Variants in TMEM184A observed in about 807,000 individuals in gnomAD.
The protein encoded by TMEM184A is sexually dimorphic, expressed in male gonads 1.
A neutral mutation model predicts 39.5 loss-of-function variants in TMEM184A; 40 were observed. That is an observed-to-expected ratio of 1.01 (90% confidence interval 0.79 to 1.32). The LOEUF (loss-of-function observed/expected upper bound fraction) is 1.32, where lower values mean the gene tolerates loss of function less well. Ranked by LOEUF, TMEM184A falls within the 40% of genes most tolerant of loss-of-function variation. TMEM184A has a pLI of 0.00. For missense variants in TMEM184A, 603 were observed against 568.8 expected, an observed-to-expected ratio of 1.06 and a Z score of -0.61; for synonymous variants, 280 against 252.3, an observed-to-expected ratio of 1.11 and a Z score of -1.04.
chr7:1,552,505 T>C (rs1344106923), intron 2 of TMEM184A, among the ~76,000 whole-genome samples: 1 of 145,358 alleles, frequency 6.9e-6, no homozygotes, highest in Non-Finnish European at 1.5e-5. Context: ...TGTTGTACAA[T>C]AGGTTTTTTT....
chr7:1,550,184 T>C lies in TMEM184A; in HGVS notation c.491A>G (p.Tyr164Cys). 2 of 1,608,534 alleles carry C rather than the reference T, an allele frequency of 1.2e-6. No homozygotes were observed. The highest frequency in any genetic ancestry group is 2.2e-5 in the South Asian group (2 of 90,534). The part of the protein sequence containing the change: ...RGKPIKSSCL[Y>C]GTCCLRGMTY... ...CATGCCCCGGAGGCAGCAGGTGCCGTACAAGCAGCTGGACCTGCGGGGGAC... is the reference window on the plus strand; with the variant it reads ...CATGCCCCGGAGGCAGCAGGTGCCGCACAAGCAGCTGGACCTGCGGGGGAC... Residue 164 changes from tyrosine to cysteine, a missense_variant, in exon 5 of 9, where the codon TAC (tyrosine) becomes TGC (cysteine). Coordinates refer to ENST00000297477, the MANE Select transcript of TMEM184A (RefSeq NM_001097620.2).
In TMEM184A at chr7:1,551,001, G is replaced by T. The variant is rs558909378; in HGVS notation, c.220-19C>A. On this transcript the variant is annotated intron_variant, in intron 2 of 8. Coordinates refer to ENST00000297477, the MANE Select transcript of TMEM184A (RefSeq NM_001097620.2). ...GATAGATCTGGGCGCAGGAGGGGTC[G>T]CATGAGAGCCGGGCCCGCCTGGTAC... 7.5e-6 allele frequency: 12 copies of T among 1,603,544 alleles called. No individual in the cohort carries two copies. The highest frequency in any genetic ancestry group is 6.7e-5 in the African/African-American group (5 of 74,710).
At chr7:1,550,281 G>A (rs1784537319) in intron 4 of TMEM184A, 24 bp downstream of exon 4, 8 of 1,611,476 alleles carry the variant, frequency 5.0e-6, no homozygotes, top group Non-Finnish European at 6.8e-6. Context: ...GTGGGGTGTG[G>A]GGGCTCTGGG....
At chr7:1,550,718 G>T in intron 3 of TMEM184A, 99 bp downstream of exon 3, 2 of 1,449,178 alleles carry the variant, frequency 1.4e-6, no homozygotes, top group African/African-American at 1.4e-5. Flanking sequence ...CCGGGAGAGT[G>T]GGGTGCCCTG....
rs539800651 is a variant in TMEM184A, at chr7:1,546,834, C to G, written c.*118G>C. ...TGGGAAGTGGGCTCCGAGGGCCTCA[C>G]AGGTGGGCTCTCAGGAGAGGCCCCA... On this transcript the variant is annotated 3_prime_UTR_variant, in exon 9 of 9. Transcript: ENST00000297477. 58 of 677,442 alleles carry G rather than the reference C, an allele frequency of 8.6e-5. 1 individual carries two copies. In the South Asian group the frequency reaches 1.2e-3, roughly 14 times the overall value. The allele number at this position is 677,442 out of a possible 1,614,324, so 42.0% of individuals were successfully genotyped here.
intron 2 of TMEM184A, among the ~76,000 whole-genome samples, chr7:1,554,926 A>C (rs1778492724): frequency 6.6e-6 from 1 of 152,022 alleles, no homozygotes; most frequent in Non-Finnish European, 1.5e-5. Context: ...CTTTCCAGCT[A>C]TGTGAGCCTG....
At chr7:1,554,778 T>C (rs1778483908) in intron 2 of TMEM184A, among the ~76,000 whole-genome samples, 1 of 152,168 alleles carries the variant, frequency 6.6e-6, no homozygotes, top group Non-Finnish European at 1.5e-5. Context: ...GCCCATCTCC[T>C]GCACAGGAGT....
At chr7:1,549,241 G>A (rs1254830633) in intron 6 of TMEM184A, 1 of 435,146 alleles carries the variant, frequency 2.3e-6, no homozygotes, top group Non-Finnish European at 4.5e-6. Flanking sequence ...ATGCACGTGT[G>A]TGATGTGTGC....
At chr7:1,550,431 C>T (rs1311207830) in intron 3 of TMEM184A, 36 bp from the exon 4 acceptor site, 5 of 1,553,754 alleles carry the variant, frequency 3.2e-6, no homozygotes, top group African/African-American at 1.4e-5. Context: ...GCTGTGAGCC[C>T]TGAGCTGCAC....
Position 1,548,834 on chromosome 7 carries a change from C to A in TMEM184A, c.645-146G>T, listed in dbSNP as rs1297414649. 20 of 989,644 alleles carry A rather than the reference C, an allele frequency of 2.0e-5. No homozygotes were observed. The Admixed American group carries it at 2.4e-4, about 12-fold the overall frequency. The allele number at this position is 989,644 out of a possible 1,614,324, so 61.3% of individuals were successfully genotyped here. Reference sequence around the variant, plus strand: ...TGCAGGGATCCTGCCCCGATCTGATCCTCACTCCAGGGCCTGCAGGAGAGC... The same window carrying A: ...TGCAGGGATCCTGCCCCGATCTGATACTCACTCCAGGGCCTGCAGGAGAGC... On this transcript the variant is annotated intron_variant, in intron 6 of 8. Coordinates refer to ENST00000297477, the MANE Select transcript of TMEM184A (RefSeq NM_001097620.2).
Position 1,546,948 on chromosome 7 carries a change from C to G in TMEM184A, c.*4G>C. 4.5e-6 allele frequency: 7 copies of G among 1,547,966 alleles called. No homozygotes were observed. The highest frequency in any genetic ancestry group is 5.2e-6 in the Non-Finnish European group (6 of 1,155,130). ...TCCCTACAGCACTGGCAGCCCAGGC[C>G]CCCCTACAGGTCCTCCGAGGGGATC... On this transcript the variant is annotated 3_prime_UTR_variant, in exon 9 of 9. Transcript: ENST00000297477.
chr7:1,547,550 C>A (rs1784397618), intron 8 of TMEM184A, among the ~76,000 whole-genome samples, 192 bp downstream of exon 8: 1 of 152,174 alleles, frequency 6.6e-6, no homozygotes, highest in Non-Finnish European at 1.5e-5. Context: ...CACCCATCCC[C>A]CATCACCATT....
chr7:1,547,914 C>T lies in TMEM184A; in HGVS notation c.840G>A (p.Arg280=). The T allele has an allele frequency of 6.3e-7, 1 of 1,583,876 alleles. No homozygotes were observed. The highest frequency in any genetic ancestry group is 1.8e-4 in the Middle Eastern group (1 of 5,692). Residue 280 remains arginine, a synonymous_variant, in exon 8 of 9, where the codon CGG becomes CGA. Transcript: ENST00000297477. ...TCTCCACCTCCGGGATGACCCCGCA[C>T]CGCTCCAGGATGGCCAGCAGCAGCC... ...WQGLLLAILE[R]CGVIPEVETS... is the part of the protein sequence containing the mutation.
intron 3 of TMEM184A, 75 bp downstream of exon 3, chr7:1,550,742 G>T (rs1784556615): frequency 6.4e-7 from 1 of 1,557,012 alleles, no homozygotes; most frequent in South Asian, 1.1e-5. Flanking sequence ...ACTGGCCATG[G>T]AAGAGTGTGC....
rs748299921 is a variant in TMEM184A at position 1,555,162 on chromosome 7, T to G, written c.219+104A>C. The G allele has an allele frequency of 1.0e-6, 1 of 981,302 alleles. No individual in the cohort carries two copies. The highest frequency in any genetic ancestry group is 1.5e-6 in the Non-Finnish European group (1 of 686,806). 60.8% of individuals were successfully genotyped at this position (981,302 alleles called of 1,614,324 possible). On this transcript the variant is annotated intron_variant, in intron 2 of 8. Transcript: ENST00000297477. This position sits in a 1 kb window ranked among gnomAD's most constrained non-coding sequence, Gnocchi z 5.2. The stretch of plus-strand genomic sequence containing the variant: ...CCCGTGCCCTGGCCGATCCCACTTC[T>G]GACAGCGTCTATAGCAGCGGCACCC...
At chr7:1,547,262 G>C in intron 8 of TMEM184A, 81 bp from the exon 9 acceptor site, 1 of 805,140 alleles carries the variant, frequency 1.2e-6, no homozygotes, top group Non-Finnish European at 2.0e-6. Flanking sequence ...GGATGCCCAG[G>C]GCTGTAGCTC....
chr7:1,549,489 G>A, intron 6 of TMEM184A: 1 of 476,672 alleles, frequency 2.1e-6, no homozygotes, highest in East Asian at 6.7e-5. Context: ...GGCCATCACT[G>A]CCTGGCCAGA....
rs1784226806 is a variant in TMEM184A, at chr7:1,542,767, G to A, written c.*4185C>T. 6.6e-6 allele frequency: 1 copy of A among 152,608 alleles called. No homozygotes were observed. The highest frequency in any genetic ancestry group is 6.5e-5 in the Admixed American group (1 of 15,288). 9.5% of individuals were successfully genotyped at this position (152,608 alleles called of 1,614,324 possible). On this transcript the variant is annotated 3_prime_UTR_variant, in exon 9 of 9. Transcript: ENST00000297477. ...GCTTCCCAAAGAGATCCAGGTCTTTGCGTTTCCAGGGCGTGGGGACCCCGG... is the reference window on the plus strand; with the variant it reads ...GCTTCCCAAAGAGATCCAGGTCTTTACGTTTCCAGGGCGTGGGGACCCCGG...
rs1778538199 is a variant in TMEM184A, at chr7:1,555,722, C to T, written c.1-238G>A. Among the ~76,000 whole-genome samples, 1 of 152,188 alleles carries T rather than the reference C, an allele frequency of 6.6e-6. No homozygotes were observed. Among genetic ancestry groups the T allele is most frequent in the East Asian group, 1.9e-4 (1 of 5,186 alleles). Reference sequence around the variant, plus strand: ...CGACCTGAGGGTCCCACCTCAATTCCCCCTTGTAAAACCAGCTTCCAACTC... The same window carrying T: ...CGACCTGAGGGTCCCACCTCAATTCTCCCTTGTAAAACCAGCTTCCAACTC... On this transcript the variant is annotated intron_variant, in intron 1 of 8. Coordinates refer to ENST00000297477, the MANE Select transcript of TMEM184A (RefSeq NM_001097620.2). This position sits in a 1 kb window ranked among gnomAD's most constrained non-coding sequence, Gnocchi z 5.2.
Sources: allele counts gnomAD v4.1 joint callset (sites outside exome capture counted in the v4.1 genomes callset), GRCh38; gene constraint gnomAD v4.1.1; non-coding constraint Gnocchi (gnomAD v3.1); transcripts MANE v1.5; gene names NCBI Gene and HGNC (gene_info 2026-07-23, HGNC 2026-07-21).